The following KMT2E variants were observed in gnomAD, a reference collection of about 807,000 sequenced individuals.
The protein encoded by KMT2E is histone reader KMT2E.
A neutral mutation model predicts 184.6 loss-of-function variants in KMT2E; 30 were observed. The ratio of observed to expected loss-of-function variants is 0.16; its 90% CI spans 0.12 to 0.22. The LOEUF is 0.22. KMT2E is among the 10% of genes least tolerant of loss of function. The pLI, the probability that KMT2E is intolerant of heterozygous loss-of-function variation, is 1.00. For missense variants in KMT2E, 2,023 were observed against 2,237.4 expected (o/e 0.90, Z 1.93); for synonymous variants, 815 against 776.5 (o/e 1.05, Z -0.82).
intron 23 of KMT2E, 98 bp from the exon 24 acceptor site, chr7:105,110,182 C>G (rs987123329): frequency 1.8e-5 from 17 of 963,132 alleles, no homozygotes; most frequent in South Asian, 5.6e-5. Context: ...CCCAGTAGAT[C>G]AAAAGCCTTG....
chr7:105,059,357 G>A (rs769027814), intron 3 of KMT2E, among the ~76,000 whole-genome samples: 10 of 152,106 alleles, frequency 6.6e-5, no homozygotes, highest in Admixed American at 1.3e-4. Context: ...ACTGTAAATC[G>A]TTGCTAAAAC....
At chr7:105,088,158 C>T (rs1342408940) in intron 13 of KMT2E, among the ~76,000 whole-genome samples, 3 of 152,144 alleles carry the variant, frequency 2.0e-5, no homozygotes, top group Non-Finnish European at 4.4e-5. Context: ...GGTTTCAAAT[C>T]CCGGCTTGGT....
At chr7:105,087,032 A>ATT (rs914718552) in intron 13 of KMT2E, among the ~76,000 whole-genome samples, 5 of 146,980 alleles carry the variant, frequency 3.4e-5, no homozygotes, top group African/African-American at 1.2e-4. Context: ...ATAATATAAT[A>ATT]TATGGCATGT....
In KMT2E at chr7:105,109,180, C is replaced by T. The variant is rs1799058135; in HGVS notation, c.3707C>T (p.Pro1236Leu). Residue 1236 changes from proline (P) to leucine (L), a missense_variant, in exon 23 of 27, where the codon CCT (proline) becomes CTT (leucine). Around this residue, in one of 8 missense-constraint regions of KMT2E, gnomAD observed 1,108 missense variants for 1,050.9 expected, o/e 1.05. Coordinates refer to ENST00000311117, the MANE Select transcript of KMT2E (RefSeq NM_182931.3). ...ATSEETSNNC[P>L]VKDATASEKN... Reference sequence around the variant, plus strand: ...TCTGAAGAAACTAGCAATAACTGCCCTGTTAAGGATGCTACTGCTAGTGAG... The same window carrying T: ...TCTGAAGAAACTAGCAATAACTGCCTTGTTAAGGATGCTACTGCTAGTGAG... 1 of 1,614,068 alleles carries T rather than the reference C, an allele frequency of 6.2e-7. No individual in the cohort carries two copies. Among genetic ancestry groups the T allele is most frequent in the East Asian group, 2.2e-5 (1 of 44,848 alleles).
chr7:105,106,513 C>T lies in KMT2E; in HGVS notation c.2597-9C>T, dbSNP rs773245176. On this transcript the variant is annotated splice_polypyrimidine_tract_variant and intron_variant, in intron 19 of 26. Transcript: ENST00000311117. ...TGTAATTTCTTACAGATTATTATTTCACCAACAGATTTAACTACACCACTA... is the reference window on the plus strand; with the variant it reads ...TGTAATTTCTTACAGATTATTATTTTACCAACAGATTTAACTACACCACTA... The T allele has an allele frequency of 2.5e-6, 4 of 1,597,902 alleles. No homozygotes were observed. Among genetic ancestry groups the T allele is most frequent in the Non-Finnish European group, 3.4e-6 (4 of 1,165,512 alleles).
intron 5 of KMT2E, among the ~76,000 whole-genome samples, chr7:105,064,520 A>G (rs1157104975): frequency 6.6e-6 from 1 of 152,086 alleles, no homozygotes; most frequent in Non-Finnish European, 1.5e-5. Context: ...TATTATTGAT[A>G]CAAACATGCA....
At chr7:105,105,387 G>A (rs2129569761) in intron 17 of KMT2E, 52 bp from the exon 18 acceptor site, 2 of 1,344,316 alleles carry the variant, frequency 1.5e-6, no homozygotes, top group South Asian at 3.0e-5. Flanking sequence ...GAATATTCAA[G>A]GGAGAATTTG....
intron 3 of KMT2E, among the ~76,000 whole-genome samples, chr7:105,045,264 C>T (rs1200040872): frequency 6.6e-6 from 1 of 152,182 alleles, no homozygotes; most frequent in Non-Finnish European, 1.5e-5. Flanking sequence ...CTCTCTTTAC[C>T]TTTGGCTTTA....
chr7:105,109,380 T>C (rs989931800), intron 23 of KMT2E, 152 bp downstream of exon 23: 2 of 735,644 alleles, frequency 2.7e-6, no homozygotes, highest in African/African-American at 3.5e-5. Context: ...AAGCCAGCTG[T>C]GTATGGCCTG....
In KMT2E at chr7:105,112,944, G is replaced by A; in HGVS notation, c.5188G>A (p.Gly1730Arg). 6.2e-7 allele frequency: 1 copy of A among 1,613,630 alleles called. No homozygotes were observed. The highest frequency in any genetic ancestry group is 8.5e-7 in the Non-Finnish European group (1 of 1,179,928). The change falls in exon 27 of 27, where the codon GGG becomes AGG. Residue 1730 changes from glycine to arginine, a missense_variant. Physicochemically the swap from Gly to Arg is moderately radical, Grantham distance 125. Transcript: ENST00000311117. ...GCCACCTTCCAGTGTTTTGGCTTCT[G>A]GGCATCATACCACATCAGCTCAAGC... ...PPPPSSVLAS[G>R]HHTTSAQALH...
At chr7:105,074,838 G>A in intron 8 of KMT2E, 23 bp downstream of exon 8, 1 of 1,576,066 alleles carries the variant, frequency 6.3e-7, no homozygotes, top group South Asian at 1.2e-5. Context: ...TTGTTTTTAG[G>A]TGAGTGGATA....
At chr7:105,067,746 A>G (rs1797094372) in intron 6 of KMT2E, among the ~76,000 whole-genome samples, 1 of 152,176 alleles carries the variant, frequency 6.6e-6, no homozygotes, top group Non-Finnish European at 1.5e-5. Context: ...CGAGGTAGGT[A>G]GATCATGAGA....
At chr7:105,067,293 T>C (rs143519086) in intron 6 of KMT2E, among the ~76,000 whole-genome samples, 92 of 152,196 alleles carry the variant, frequency 6.0e-4, no homozygotes, top group African/African-American at 2.2e-3. Context: ...CCTGATGGCA[T>C]CTTTTTTAAC....
intron 12 of KMT2E, among the ~76,000 whole-genome samples, chr7:105,079,348 C>T (rs1797661797): frequency 6.6e-6 from 1 of 151,528 alleles, no homozygotes; most frequent in Non-Finnish European, 1.5e-5. Flanking sequence ...TTTGACCAGG[C>T]TGGTCTCGAA....
intron 5 of KMT2E, chr7:105,063,955 G>A (rs1002667091): frequency 1.1e-5 from 5 of 448,482 alleles, no homozygotes; most frequent in Admixed American, 2.5e-5. Context: ...TTTCCAGTTT[G>A]CGGAAATTAA....
At chr7:105,086,959 ATAT>A (rs548088911) in intron 13 of KMT2E, among the ~76,000 whole-genome samples, 2 of 146,944 alleles carry the variant, frequency 1.4e-5, no homozygotes, top group South Asian at 2.1e-4. Flanking sequence ...GCTATATGTA[ATAT>A]TAGCATATAT....
At chr7:105,019,106 G>T (rs974923079) in intron 1 of KMT2E, among the ~76,000 whole-genome samples, 1 of 151,950 alleles carries the variant, frequency 6.6e-6, no homozygotes, top group Non-Finnish European at 1.5e-5. Flanking sequence ...TTTTGTTATT[G>T]TGAACTTCCA....
chr7:105,051,364 T>A (rs2129566138), intron 3 of KMT2E, among the ~76,000 whole-genome samples: 1 of 151,988 alleles, frequency 6.6e-6, no homozygotes, highest in African/African-American at 2.4e-5. Context: ...TTTGTATGTT[T>A]ACTAGAGGCG....
At position 105,076,872 on chromosome 7, in the gene KMT2E, T is replaced by TTGTG. The variant is rs10598888; in HGVS notation, c.769-47_769-44dup. The TTGTG allele has an allele frequency of 1.9e-3, 1,218 of 632,214 alleles. 3 individuals carry two copies. The highest frequency in any genetic ancestry group is 6.8e-3 in the South Asian group (343 of 50,424). The allele number at this position is 632,214 out of a possible 1,614,324, so 39.2% of individuals were successfully genotyped here. On this transcript the variant is annotated intron_variant, in intron 9 of 26. Coordinates refer to ENST00000311117, the MANE Select transcript of KMT2E (RefSeq NM_182931.3). ...TCTTTTGTATAGATTGCCGTTAATTTTGTGTGTGTGTGTGTGTGTGTGTGT... is the reference window on the plus strand; with the variant it reads ...TCTTTTGTATAGATTGCCGTTAATTTTGTGTGTGTGTGTGTGTGTGTGTGTGTGT...
Sources: allele counts gnomAD v4.1 joint callset (sites outside exome capture counted in the v4.1 genomes callset), GRCh38; gene constraint gnomAD v4.1.1; regional missense constraint gnomAD v4.1.1; transcripts MANE v1.5; gene names NCBI Gene and HGNC (gene_info 2026-07-23, HGNC 2026-07-21).